The following PHC1 variants were observed in gnomAD, a reference collection of about 807,000 sequenced individuals.
The protein encoded by PHC1 is polyhomeotic-like protein 1.
PHC1 carries 12 observed loss-of-function variants against 104.3 expected under a neutral mutation model. The observed-to-expected ratio is 0.12, with a 90% CI of 0.07 to 0.19. PHC1 has a LOEUF of 0.19. Ranked by LOEUF, PHC1 falls within the 10% of genes least tolerant of loss-of-function variation. PHC1 has a pLI of 1.00. For synonymous variants in PHC1, 302 were observed against 455.8 expected (o/e 0.66, Z 4.30); for missense variants, 671 against 1,200.0 (o/e 0.56, Z 6.51).
In PHC1 at chr12:8,939,623, G is replaced by GTGCTACATGGCGGCAGCTTTGA. The variant is rs1945949622; in HGVS notation, c.*165_*186dup. The stretch of plus-strand genomic sequence containing the variant: ...AGAGAAGTGCAAGAATTGGTTGCTG[G>GTGCTACATGGCGGCAGCTTTGA]TGCTACATGGCGGCAGCTTTGACAT... On this transcript the variant is annotated 3_prime_UTR_variant, in exon 15 of 15. Coordinates refer to ENST00000544916, the MANE Select transcript of PHC1 (RefSeq NM_004426.3). 1 of 542,802 alleles carries GTGCTACATGGCGGCAGCTTTGA rather than the reference G, an allele frequency of 1.8e-6. No individual in the cohort carries two copies. Among genetic ancestry groups the GTGCTACATGGCGGCAGCTTTGA allele is most frequent in the African/African-American group, 1.9e-5 (1 of 52,000 alleles). The allele number at this position is 542,802 out of a possible 1,614,324, so 33.6% of individuals were successfully genotyped here. A position where few individuals can be genotyped will look rare whatever the true frequency, so the allele number is the denominator to read the frequency against.
In PHC1 at chr12:8,937,354, C is replaced by T. The variant is rs778133411; in HGVS notation, c.2628+28C>T. ...GAGCTGCTTGTTGTAGAGCCAGATGCCTTTAAACTGGGTCTTTTTTTCTTT... is the reference window on the plus strand; with the variant it reads ...GAGCTGCTTGTTGTAGAGCCAGATGTCTTTAAACTGGGTCTTTTTTTCTTT... On this transcript the variant is annotated intron_variant, in intron 13 of 14. Coordinates refer to ENST00000544916, the MANE Select transcript of PHC1 (RefSeq NM_004426.3). 1.5e-5 allele frequency: 23 copies of T among 1,556,738 alleles called. No homozygotes were observed. The African/African-American group carries it at 3.0e-4, about 21-fold the overall frequency.
chr12:8,936,264 C>T (rs1462022560), intron 11 of PHC1, among the ~76,000 whole-genome samples: 1 of 152,170 alleles, frequency 6.6e-6, no homozygotes, highest in African/African-American at 2.4e-5. Context: ...TGCTTGTAGT[C>T]CCAGCTACTT....
chr12:8,922,246 GC>G (rs1945386867), intron 5 of PHC1, among the ~76,000 whole-genome samples: 1 of 152,176 alleles, frequency 6.6e-6, no homozygotes, highest in Non-Finnish European at 1.5e-5. Context: ...GAGATATTAT[GC>G]TAGAAAATAC....
rs1945351371 is a variant in PHC1, at chr12:8,921,151, T to C, written c.306+86T>C. 22 of 1,016,146 alleles carry C rather than the reference T, an allele frequency of 2.2e-5. 1 individual carries two copies. In the South Asian group the frequency reaches 3.2e-4, roughly 15 times the overall value. 62.9% of individuals were successfully genotyped at this position (1,016,146 alleles called of 1,614,324 possible). On this transcript the variant is annotated intron_variant, in intron 4 of 14. Coordinates refer to ENST00000544916, the MANE Select transcript of PHC1 (RefSeq NM_004426.3). ...TTACTTTGTGCCGCTGATCTGAGAG[T>C]GTTTATTGAGCCGTCAGTGGATAGT... is the stretch of plus-strand genomic sequence containing the variant.
chr12:8,938,107 C>A, intron 14 of PHC1, 47 bp downstream of exon 14: 1 of 1,310,798 alleles, frequency 7.6e-7, no homozygotes, highest in Non-Finnish European at 1.1e-6. Flanking sequence ...TCCTTAACAT[C>A]ATCCCACAGG....
intron 2 of PHC1, among the ~76,000 whole-genome samples, chr12:8,918,046 T>C (rs1945252026): frequency 6.6e-6 from 1 of 152,212 alleles, no homozygotes; most frequent in Non-Finnish European, 1.5e-5. Flanking sequence ...AACTAACCCT[T>C]TCTCATACTG....
intron 1 of PHC1, chr12:8,915,081 T>G (rs1945162074): frequency 6.6e-6 from 1 of 152,632 alleles, no homozygotes; most frequent in African/African-American, 2.4e-5. Context: ...TTCTTATTCA[T>G]TTTTCCTTCT....
At chr12:8,922,294 T>A (rs1945387752) in intron 5 of PHC1, among the ~76,000 whole-genome samples, 1 of 152,266 alleles carries the variant, frequency 6.6e-6, no homozygotes, top group Non-Finnish European at 1.5e-5. Context: ...TTAGATATAG[T>A]CGACCTTTAA....
chr12:8,922,943 C>A (rs1945407808), intron 6 of PHC1, among the ~76,000 whole-genome samples, 155 bp downstream of exon 6: 1 of 152,196 alleles, frequency 6.6e-6, no homozygotes, highest in Admixed American at 6.5e-5. Flanking sequence ...GAACTTGAAT[C>A]CCATATAACC....
chr12:8,936,386 A>AT lies in PHC1; in HGVS notation c.2369-461dup, dbSNP rs758132906. On this transcript the variant is annotated intron_variant, in intron 11 of 14. Coordinates refer to ENST00000544916, the MANE Select transcript of PHC1 (RefSeq NM_004426.3). The stretch of plus-strand genomic sequence containing the variant: ...GACAGAGTGAGACTGTCTCAAAAAA[A>AT]TTTTTTTTTCCAAAAGATGATCTAA... 1.2e-4 allele frequency among the ~76,000 whole-genome samples: 18 copies of AT among 151,698 alleles called. No individual in the cohort carries two copies. The South Asian group carries it at 2.3e-3, about 19-fold the overall frequency.
intron 9 of PHC1, 72 bp from the exon 10 acceptor site, chr12:8,934,195 A>G (rs1945769867): frequency 2.2e-6 from 3 of 1,348,024 alleles, no homozygotes; most frequent in East Asian, 2.3e-5. Flanking sequence ...ATGGAAGATC[A>G]TGCTGGCTCA....
rs925644420 is a variant in PHC1 at position 8,936,884 on chromosome 12, G to A, written c.2397G>A (p.Lys799=). The A allele has an allele frequency of 2.5e-6, 4 of 1,612,230 alleles. No individual in the cohort carries two copies. The highest frequency in any genetic ancestry group is 3.4e-6 in the Non-Finnish European group (4 of 1,178,394). The change falls in exon 12 of 15, where the codon AAG becomes AAA. Residue 799 remains lysine (K), a synonymous_variant. Coordinates refer to ENST00000544916, the MANE Select transcript of PHC1 (RefSeq NM_004426.3). ...TAGATAAGAAGGCGAATCTCCTGAA[G>A]TGCGAGTACTGTGGGAAGTACGCCC... The part of the protein sequence containing the change: ...AELDKKANLL[K]CEYCGKYAPA...
At chr12:8,920,226 A>G (rs1945323069) in intron 3 of PHC1, among the ~76,000 whole-genome samples, 1 of 152,250 alleles carries the variant, frequency 6.6e-6, no homozygotes, top group Non-Finnish European at 1.5e-5. Context: ...CAGTAATTTA[A>G]AAATATTAAT....
rs773756154 is a variant in PHC1, at chr12:8,933,871, C to T, written c.1900C>T (p.Pro634Ser). The change falls in exon 9 of 15, where the codon CCC becomes TCC. Residue 634 changes from proline to serine, a missense_variant. Around this residue, in one of 9 missense-constraint regions of PHC1, gnomAD observed 95 missense variants for 108.8 expected, o/e 0.87. Transcript: ENST00000544916. ...CCTATTCTTTACGGTATAGGGTAAA[C>T]CCCAGACATTGGCTGTCAAACGCAA... ...YMQSVHLPGK[P>S]QTLAVKRKAD... The T allele has an allele frequency of 6.2e-6, 10 of 1,612,792 alleles. No homozygotes were observed. Among genetic ancestry groups the T allele is most frequent in the Non-Finnish European group, 8.5e-6 (10 of 1,178,878 alleles).
Position 8,919,617 on chromosome 12 carries a change from C to A in PHC1, c.115-139C>A. 1.3e-6 allele frequency: 1 copy of A among 787,502 alleles called. No individual in the cohort carries two copies. Among genetic ancestry groups the A allele is most frequent in the Non-Finnish European group, 2.0e-6 (1 of 492,992 alleles). The allele number at this position is 787,502 out of a possible 1,614,324, so 48.8% of individuals were successfully genotyped here. ...TCTAAAAAAATGAAGGAAAATCAGC[C>A]GTTGACGATTTAGCCCAAACTCCCA... On this transcript the variant is annotated intron_variant, in intron 2 of 14. Transcript: ENST00000544916. The surrounding 1 kb of genome is among the most constrained non-coding windows in gnomAD (Gnocchi z 4.9).
intron 10 of PHC1, among the ~76,000 whole-genome samples, 194 bp downstream of exon 10, chr12:8,934,672 G>GA (rs1945784469): frequency 6.6e-6 from 1 of 151,526 alleles, no homozygotes; most frequent in Non-Finnish European, 1.5e-5. Flanking sequence ...AGGAAGAGGA[G>GA]AAAAAAAGGA....
intron 14 of PHC1, among the ~76,000 whole-genome samples, chr12:8,938,445 C>CTTT (rs11399108): frequency 4.1e-4 from 59 of 142,268 alleles, no homozygotes; most frequent in African/African-American, 1.4e-3. Flanking sequence ...TGCTAGTCTT[C>CTTT]TTTTTTTTTT....
In PHC1 at chr12:8,937,315, A is replaced by C; in HGVS notation, c.2617A>C (p.Lys873Gln). 1 of 1,608,022 alleles carries C rather than the reference A, an allele frequency of 6.2e-7. No individual in the cohort carries two copies. Among genetic ancestry groups the C allele is most frequent in the South Asian group, 1.1e-5 (1 of 90,116 alleles). The change falls in exon 13 of 15, where the codon AAG (lysine) becomes CAG (glutamine). Residue 873 changes from lysine (K) to glutamine (Q), a missense_variant. This residue lies in a region of PHC1 where 192 missense variants were observed against 280.5 expected (regional missense o/e 0.68). Coordinates refer to ENST00000544916, the MANE Select transcript of PHC1 (RefSeq NM_004426.3). ...CATTGCCCGTGCCAAGATTCAGGGC[A>C]AGTGCCACCGGGTGAGCTGCTTGTT... ...SDIARAKIQG[K>Q]CHRGQEDSSR... is the part of the protein sequence containing the mutation.
intron 6 of PHC1, among the ~76,000 whole-genome samples, chr12:8,925,615 C>T (rs1160915420): frequency 6.6e-6 from 1 of 151,982 alleles, no homozygotes; most frequent in Non-Finnish European, 1.5e-5. Flanking sequence ...CTGAGGAGGG[C>T]AGGAACTTGA....
Sources: gnomAD v4.1 joint callset for allele counts (sites outside exome capture counted in the v4.1 genomes callset) on GRCh38, gnomAD v4.1.1 for gene constraint, gnomAD v4.1.1 regional missense constraint, Gnocchi (gnomAD v3.1) non-coding constraint, MANE v1.5 for transcripts, NCBI Gene and HGNC (gene_info 2026-07-23, HGNC 2026-07-21) for gene names.